The following EEFSEC variants were observed in gnomAD, a reference collection of about 807,000 sequenced individuals.
EEFSEC encodes the protein eukaryotic elongation factor, selenocysteine-tRNA specific.
EEFSEC carries 43 observed loss-of-function variants against 42.1 expected under a neutral mutation model. The ratio of observed to expected loss-of-function variants is 1.02; its 90% CI spans 0.80 to 1.32. The LOEUF (loss-of-function observed/expected upper bound fraction) is 1.32. EEFSEC is among the 40% of genes most tolerant of loss of function. EEFSEC has a pLI of 0.00. For synonymous variants in EEFSEC, 354 were observed against 339.1 expected, an observed-to-expected ratio of 1.04 and a Z score of -0.48; for missense variants, 745 against 803.6, an observed-to-expected ratio of 0.93 and a Z score of 0.88.
intron 4 of EEFSEC, among the ~76,000 whole-genome samples, chr3:128,269,964 A>G (rs1051149476): frequency 6.6e-6 from 1 of 152,198 alleles, no homozygotes; most frequent in Non-Finnish European, 1.5e-5. Context: ...GAAAGAGAGC[A>G]GGGGCTGGGA....
chr3:128,229,620 A>T (rs1214411017), intron 1 of EEFSEC, among the ~76,000 whole-genome samples: 1 of 152,262 alleles, frequency 6.6e-6, no homozygotes, highest in African/African-American at 2.4e-5. Flanking sequence ...CGAAAACTCC[A>T]GAGTTCTCAC....
At chr3:128,239,651 C>G (rs1297448538) in intron 1 of EEFSEC, among the ~76,000 whole-genome samples, 1 of 152,246 alleles carries the variant, frequency 6.6e-6, no homozygotes, top group Non-Finnish European at 1.5e-5. Flanking sequence ...CATGCCCTCC[C>G]TCTGGGCTGT....
intron 3 of EEFSEC, 100 bp downstream of exon 3, chr3:128,262,324 C>A: frequency 9.3e-7 from 1 of 1,072,498 alleles, no homozygotes; most frequent in Non-Finnish European, 1.4e-6. Flanking sequence ...AGAGGCAGCC[C>A]TAGCAAGAGG....
intron 1 of EEFSEC, among the ~76,000 whole-genome samples, chr3:128,166,169 A>G (rs985962333): frequency 6.6e-6 from 1 of 152,240 alleles, no homozygotes; most frequent in African/African-American, 2.4e-5. Context: ...AGTAGACCAC[A>G]GGAAGACTGG....
chr3:128,290,398 A>G lies in EEFSEC; in HGVS notation c.786+25617A>G, dbSNP rs1203005368. On this transcript the variant is annotated intron_variant, in intron 4 of 6. Transcript: ENST00000254730. ...CTTAAAAAAAATCAAGTGACTGAAT[A>G]TGTGTGGGTCTACTTCTGTGCCAGT... is the stretch of plus-strand genomic sequence containing the variant. Among the ~76,000 whole-genome samples, 3 of 152,032 alleles carry G rather than the reference A, an allele frequency of 2.0e-5. 1 individual carries two copies. Among genetic ancestry groups the G allele is most frequent in the Non-Finnish European group, 4.4e-5 (3 of 68,026 alleles).
chr3:128,401,185 G>A (rs1489750451), intron 6 of EEFSEC, among the ~76,000 whole-genome samples: 3 of 152,180 alleles, frequency 2.0e-5, no homozygotes, highest in Non-Finnish European at 2.9e-5. Flanking sequence ...CCTGAGACCC[G>A]AGCCTGGACT....
intron 4 of EEFSEC, among the ~76,000 whole-genome samples, chr3:128,300,726 G>T (rs2066757825): frequency 6.6e-6 from 1 of 152,086 alleles, no homozygotes; most frequent in Non-Finnish European, 1.5e-5. Flanking sequence ...TAGACTATGT[G>T]CATTGAAGAA....
At chr3:128,298,781 G>A (rs1390172500) in intron 4 of EEFSEC, among the ~76,000 whole-genome samples, 2 of 152,130 alleles carry the variant, frequency 1.3e-5, no homozygotes, top group Admixed American at 6.6e-5. Context: ...CTACCTCCAT[G>A]AGACCCACTT....
At chr3:128,414,990 C>T in the EEFSEC span, among the ~76,000 whole-genome samples, 1 of 152,206 alleles carries the variant, frequency 6.6e-6, no homozygotes, top group Admixed American at 6.5e-5. Flanking sequence ...TCCAGGGTCC[C>T]TGGCCAGCCT....
At chr3:128,197,108 A>G (rs1452674858) in intron 1 of EEFSEC, among the ~76,000 whole-genome samples, 2 of 152,220 alleles carry the variant, frequency 1.3e-5, no homozygotes, top group African/African-American at 4.8e-5. Flanking sequence ...AAGGCAGATT[A>G]TAAATAAATA....
At chr3:128,296,123 T>C (rs1370862714) in intron 4 of EEFSEC, among the ~76,000 whole-genome samples, 1 of 152,088 alleles carries the variant, frequency 6.6e-6, no homozygotes, top group Non-Finnish European at 1.5e-5. Context: ...CTGGCTGCCT[T>C]TGGTGGGAGA....
intron 1 of EEFSEC, among the ~76,000 whole-genome samples, chr3:128,164,110 G>A (rs1393612597): frequency 6.6e-6 from 1 of 152,144 alleles, no homozygotes; most frequent in Non-Finnish European, 1.5e-5. Flanking sequence ...GGGCTGGTAG[G>A]CCTTGTTTTA....
intron 2 of EEFSEC, among the ~76,000 whole-genome samples, chr3:128,252,199 T>A (rs1020474166): frequency 6.6e-6 from 1 of 152,242 alleles, no homozygotes; most frequent in Non-Finnish European, 1.5e-5. Flanking sequence ...AGGGACTCCA[T>A]TGATCCTGCC....
intron 6 of EEFSEC, among the ~76,000 whole-genome samples, chr3:128,374,675 T>A (rs1278489936): frequency 6.6e-6 from 1 of 150,428 alleles, no homozygotes; most frequent in Non-Finnish European, 1.5e-5. Context: ...AAGTTAGAAA[T>A]TGTTAAAAAA....
Position 128,153,633 on chromosome 3 carries a change from C to A in EEFSEC, c.126C>A (p.Ser42Arg). 6.3e-7 allele frequency: 1 copy of A among 1,598,046 alleles called. No individual in the cohort carries two copies. The highest frequency in any genetic ancestry group is 8.5e-7 in the Non-Finnish European group (1 of 1,177,798). ...STAAFDKQPQSRERGITLDLG... is the reference protein window; with the variant it reads ...STAAFDKQPQRRERGITLDLG... Reference sequence around the variant, plus strand: ...CCGCCTTTGACAAGCAGCCGCAGAGCCGCGAGCGCGGCATCACGCTCGATC... The same window carrying A: ...CCGCCTTTGACAAGCAGCCGCAGAGACGCGAGCGCGGCATCACGCTCGATC... Residue 42 changes from serine to arginine, a missense_variant, in exon 1 of 7, where the codon AGC (serine) becomes AGA (arginine). Ser to Arg is a moderately radical substitution (Grantham distance 110). Transcript: ENST00000254730.
Position 128,153,773 on chromosome 3 carries a change from C to G in EEFSEC, c.266C>G (p.Thr89Arg), listed in dbSNP as rs200775259. The change falls in exon 1 of 7, where the codon ACG (threonine) becomes AGG (arginine). Residue 89 changes from threonine to arginine, a missense_variant. Transcript: ENST00000254730. Reference protein sequence around the residue: ...PEPGEPLLQVTLVDCPGHASL... With the variant: ...PEPGEPLLQVRLVDCPGHASL... ...CCCGGCGAGCCACTGCTTCAGGTCA[C>G]GCTGGTCGACTGCCCCGGGCACGCC... The G allele has an allele frequency of 4.3e-4, 660 of 1,536,792 alleles. No individual in the cohort carries two copies. The highest frequency in any genetic ancestry group is 5.0e-4 in the Non-Finnish European group (574 of 1,148,716).
In EEFSEC at chr3:128,307,103, G is replaced by C. The variant is rs368957791; in HGVS notation, c.787-34130G>C. 5.3e-5 allele frequency among the ~76,000 whole-genome samples: 8 copies of C among 152,362 alleles called. No homozygotes were observed. The South Asian group carries it at 1.7e-3, about 32-fold the overall frequency. On this transcript the variant is annotated intron_variant, in intron 4 of 6. Transcript: ENST00000254730. The stretch of plus-strand genomic sequence containing the variant: ...ACGTCCTACCTGCCCCACCTTCCCA[G>C]AATGAGAGCAGCTCTGCTGCTGGGT...
At chr3:128,215,017 TATTTC>T (rs1044963220) in intron 1 of EEFSEC, among the ~76,000 whole-genome samples, 1 of 152,194 alleles carries the variant, frequency 6.6e-6, no homozygotes, top group African/African-American at 2.4e-5. Flanking sequence ...GAAGACATAG[TATTTC>T]ATTATTGTGG....
intron 4 of EEFSEC, among the ~76,000 whole-genome samples, chr3:128,307,130 T>C (rs188284749): frequency 6.6e-6 from 1 of 152,378 alleles, no homozygotes; most frequent in African/African-American, 2.4e-5. Context: ...CTGCTGGGTG[T>C]GGGGCCTGGC....
Sources: gnomAD v4.1 joint callset for allele counts (sites outside exome capture counted in the v4.1 genomes callset) on GRCh38, gnomAD v4.1.1 for gene constraint, MANE v1.5 for transcripts, NCBI Gene and HGNC (gene_info 2026-07-23, HGNC 2026-07-21) for gene names.